Variants in CDK19 observed in about 807,000 individuals in gnomAD.
CDK19 encodes the protein cyclin dependent kinase 19.
A neutral mutation model predicts 68.3 loss-of-function variants in CDK19; 20 were observed. That is an observed-to-expected ratio of 0.29 (90% confidence interval 0.21 to 0.43). The LOEUF is 0.43. Ranked by LOEUF, CDK19 falls within the 20% of genes least tolerant of loss-of-function variation. CDK19 has a pLI of 1.00. For synonymous variants in CDK19, 221 were observed against 222.8 expected (o/e 0.99, Z 0.07); for missense variants, 339 against 623.5 (o/e 0.54, Z 4.86).
Position 110,746,209 on chromosome 6 carries a change from TA to T in CDK19, c.129-9del. The T allele has an allele frequency of 1.9e-6, 3 of 1,566,930 alleles. No individual in the cohort carries two copies. The highest frequency in any genetic ancestry group is 2.6e-6 in the Non-Finnish European group (3 of 1,150,238). ...TATTCCTTTTCATCTTTTCTGCACA[TA>T]AACAAAAAAACATCATTTTTCCATA... is the stretch of plus-strand genomic sequence containing the variant. On this transcript the variant is annotated splice_polypyrimidine_tract_variant and intron_variant, in intron 1 of 12. Transcript: ENST00000368911.
chr6:110,713,471 C>T (rs1775122125), intron 2 of CDK19, among the ~76,000 whole-genome samples: 3 of 52,570 alleles, frequency 5.7e-5, no homozygotes, highest in South Asian at 9.3e-4. Context: ...AAGTGATCCT[C>T]TTGTCTCAAA....
intron 2 of CDK19, among the ~76,000 whole-genome samples, chr6:110,744,015 T>TTG (rs1554216938): frequency 1.4e-5 from 2 of 147,062 alleles, no homozygotes; most frequent in South Asian, 2.2e-4. Context: ...CCCCACGTTT[T>TTG]TTTTTTTTTT....
At chr6:110,759,710 C>T (rs1462915619) in intron 1 of CDK19, among the ~76,000 whole-genome samples, 2 of 151,496 alleles carry the variant, frequency 1.3e-5, no homozygotes, top group Non-Finnish European at 2.9e-5. Flanking sequence ...TTTGATTTTT[C>T]CATAATGAAT....
intron 2 of CDK19, among the ~76,000 whole-genome samples, chr6:110,729,088 CA>C (rs1776558514): frequency 6.6e-6 from 1 of 151,978 alleles, no homozygotes; most frequent in South Asian, 2.1e-4. Flanking sequence ...AAGTGCTTTC[CA>C]CAGATAAATA....
chr6:110,755,363 G>A (rs943665497), intron 1 of CDK19, among the ~76,000 whole-genome samples: 1 of 152,080 alleles, frequency 6.6e-6, no homozygotes, highest in African/African-American at 2.4e-5. Flanking sequence ...TATACAGAGA[G>A]ACACACAAGC....
At chr6:110,693,355 C>T (rs1257077113) in intron 2 of CDK19, among the ~76,000 whole-genome samples, 1 of 152,220 alleles carries the variant, frequency 6.6e-6, no homozygotes, top group South Asian at 2.1e-4. Flanking sequence ...TTAGCTTTAC[C>T]TAGAGCCGAA....
intron 2 of CDK19, among the ~76,000 whole-genome samples, chr6:110,743,466 A>C (rs1777832263): frequency 2.0e-5 from 3 of 152,106 alleles, no homozygotes; most frequent in African/African-American, 7.2e-5. Context: ...ACTTGGTGAA[A>C]CCCTGTCTCT....
Position 110,646,346 on chromosome 6 carries a change from C to G in CDK19, c.457-7640G>C, listed in dbSNP as rs971506329. 48 of 1,465,724 alleles carry G rather than the reference C, an allele frequency of 3.3e-5. No individual in the cohort carries two copies. In the African/African-American group the frequency reaches 5.8e-4, roughly 18 times the overall value. 90.8% of individuals were successfully genotyped at this position (1,465,724 alleles called of 1,614,324 possible). ...AACGGGCCCACGACGGCATGCACTT[C>G]GAGTGCCTCTTCCATGTGGGCGACA... On this transcript the variant is annotated intron_variant, in intron 4 of 12. Transcript: ENST00000368911.
chr6:110,797,769 G>A (rs1221662903), intron 1 of CDK19, among the ~76,000 whole-genome samples: 1 of 152,176 alleles, frequency 6.6e-6, no homozygotes, highest in Non-Finnish European at 1.5e-5. Flanking sequence ...TGGATCACCT[G>A]AGGTCAGAAG....
intron 1 of CDK19, among the ~76,000 whole-genome samples, chr6:110,781,310 T>C: frequency 6.6e-6 from 1 of 152,040 alleles, no homozygotes; most frequent in East Asian, 1.9e-4. Flanking sequence ...CCCAGATTCT[T>C]TTTGAACAAC....
intron 2 of CDK19, among the ~76,000 whole-genome samples, chr6:110,683,221 G>C: frequency 6.7e-6 from 1 of 148,250 alleles, no homozygotes; most frequent in African/African-American, 2.5e-5. Flanking sequence ...TGCTTGGAAC[G>C]AATTAAGCAT....
intron 6 of CDK19, among the ~76,000 whole-genome samples, chr6:110,628,705 C>T (rs753835542): frequency 2.4e-4 from 36 of 152,202 alleles, no homozygotes; most frequent in Non-Finnish European, 4.6e-4. Flanking sequence ...AGCTAGAAGA[C>T]GCATCAGAAT....
intron 1 of CDK19, 129 bp downstream of exon 1, chr6:110,814,880 C>G: frequency 7.8e-7 from 1 of 1,273,912 alleles, no homozygotes; most frequent in Non-Finnish European, 1.1e-6. Flanking sequence ...GGTGTCCGGA[C>G]GCAACCCCGC....
At chr6:110,643,445 G>A (rs1376363494) in intron 4 of CDK19, 4 of 152,130 alleles carry the variant, frequency 2.6e-5, no homozygotes, top group Non-Finnish European at 1.5e-5. Flanking sequence ...AAATAAACCA[G>A]GCATAGAAAG....
intron 2 of CDK19, among the ~76,000 whole-genome samples, chr6:110,688,477 C>T (rs946584545): frequency 2.0e-5 from 3 of 151,882 alleles, no homozygotes; most frequent in South Asian, 2.1e-4. Context: ...CAAGAAGCAA[C>T]GCAGGAACTT....
intron 1 of CDK19, among the ~76,000 whole-genome samples, chr6:110,811,136 C>T (rs954495235): frequency 2.6e-5 from 4 of 152,166 alleles, no homozygotes; most frequent in African/African-American, 9.7e-5. Context: ...TGATCTAAAA[C>T]TTTGGAAAGT....
intron 2 of CDK19, among the ~76,000 whole-genome samples, chr6:110,726,178 A>T (rs952870292): frequency 5.3e-5 from 8 of 152,200 alleles, no homozygotes; most frequent in African/African-American, 1.9e-4. Context: ...CAACTGTTAT[A>T]ATCATGTTAT....
rs181611401 is a variant in CDK19, at chr6:110,649,689, G to A, written c.457-10983C>T. On this transcript the variant is annotated intron_variant, in intron 4 of 12. Transcript: ENST00000368911. ...AAATAGAAAAATGGGCAAAATGTCT[G>A]AACGGGCATTTAACTAAAGTACAGA... 1.6e-4 allele frequency among the ~76,000 whole-genome samples: 25 copies of A among 152,244 alleles called. 1 individual carries two copies. In the East Asian group the frequency reaches 4.8e-3, roughly 29 times the overall value.
intron 2 of CDK19, among the ~76,000 whole-genome samples, chr6:110,691,814 A>C (rs1773018582): frequency 6.7e-6 from 1 of 150,208 alleles, no homozygotes; most frequent in East Asian, 2.1e-4. Context: ...TGCCGGGCTT[A>C]TTTTTGTATT....
Sources: gnomAD v4.1 joint callset for allele counts (sites outside exome capture counted in the v4.1 genomes callset) on GRCh38, gnomAD v4.1.1 for gene constraint, MANE v1.5 for transcripts, NCBI Gene and HGNC (gene_info 2026-07-23, HGNC 2026-07-21) for gene names.